DLC1: variants seen among roughly 807,000 people sequenced by gnomAD.
DLC1 encodes DLC1 Rho GTPase activating protein.
A neutral mutation model predicts 140.3 loss-of-function variants in DLC1; 54 were observed. That is an observed-to-expected ratio of 0.38 (90% confidence interval 0.31 to 0.48). The LOEUF (loss-of-function observed/expected upper bound fraction) is 0.48, where lower values mean the gene tolerates loss of function less well. DLC1 is among the 20% of genes least tolerant of loss of function. The pLI, the probability that DLC1 is intolerant of heterozygous loss-of-function variation, is 0.96. For synonymous variants in DLC1, 986 were observed against 728.1 expected (o/e 1.35, Z -5.70); for missense variants, 2,536 against 1,907.0 (o/e 1.33, Z -6.14).
chr8:13,209,077 G>T (rs1252878993), intron 5 of DLC1, among the ~76,000 whole-genome samples: 1 of 152,060 alleles, frequency 6.6e-6, no homozygotes, highest in Non-Finnish European at 1.5e-5. Flanking sequence ...TCTTTCTAAA[G>T]CCCGTAGATG....
At position 13,147,920 on chromosome 8, in the gene DLC1, G is replaced by A. The variant is rs545775169; in HGVS notation, c.1349-32263C>T. On this transcript the variant is annotated intron_variant, in intron 5 of 17. Transcript: ENST00000276297. The stretch of plus-strand genomic sequence containing the variant: ...GGAGAATGGCTTGAACCCGGGAGGC[G>A]GAGGTTGCAGTGGCAGAGATCGCAC... Among the ~76,000 whole-genome samples the A allele has an allele frequency of 2.4e-4, 37 of 152,216 alleles. No homozygotes were observed. In the South Asian group the frequency reaches 2.5e-3, roughly 10 times the overall value.
intron 5 of DLC1, among the ~76,000 whole-genome samples, chr8:13,248,947 A>G (rs1829882914): frequency 6.6e-6 from 1 of 152,146 alleles, no homozygotes. Flanking sequence ...GGAACTCCCA[A>G]ACCTCAGAGG....
At chr8:13,399,385 GT>G (rs1837198231) in intron 3 of DLC1, among the ~76,000 whole-genome samples, 1 of 152,124 alleles carries the variant, frequency 6.6e-6, no homozygotes, top group African/African-American at 2.4e-5. Context: ...GTGACCTTTG[GT>G]AAATAACTCA....
intron 2 of DLC1, among the ~76,000 whole-genome samples, chr8:13,461,653 A>G (rs1338431405): frequency 1.3e-5 from 2 of 152,114 alleles, no homozygotes; most frequent in South Asian, 2.1e-4. Flanking sequence ...TTAGTTTCAA[A>G]TTATGCTTGG....
intron 4 of DLC1, among the ~76,000 whole-genome samples, chr8:13,385,047 G>C (rs756856561): frequency 6.6e-6 from 1 of 152,140 alleles, no homozygotes; most frequent in Non-Finnish European, 1.5e-5. Flanking sequence ...AAGAGATAAA[G>C]CTCAGTCAGC....
At chr8:13,577,700 C>A (rs1276181900) in intron 1 of DLC1, among the ~76,000 whole-genome samples, 5 of 152,074 alleles carry the variant, frequency 3.3e-5, no homozygotes, top group Non-Finnish European at 7.4e-5. Flanking sequence ...ATTATGCCCA[C>A]TGTTTTGGGC....
chr8:13,553,628 C>T (rs571480826), intron 1 of DLC1, among the ~76,000 whole-genome samples: 1 of 152,074 alleles, frequency 6.6e-6, no homozygotes, highest in African/African-American at 2.4e-5. Flanking sequence ...GCTTGGATTG[C>T]AGGCATGAGC....
chr8:13,507,484 T>G (rs72603988), intron 1 of DLC1, among the ~76,000 whole-genome samples: 5,241 of 152,320 alleles, frequency 0.034, 323 homozygotes, highest in East Asian at 0.23. Flanking sequence ...AAGACTAGAA[T>G]TAGACTGTGG....
At chr8:13,506,921 T>C (rs570615806) in intron 1 of DLC1, among the ~76,000 whole-genome samples, 88 of 152,212 alleles carry the variant, frequency 5.8e-4, no homozygotes, top group African/African-American at 1.9e-3. Flanking sequence ...CTGGTAATGA[T>C]ATGAAATCTT....
In DLC1 at chr8:13,156,821, C is replaced by T. The variant is rs566438803; in HGVS notation, c.1349-41164G>A. Among the ~76,000 whole-genome samples the T allele has an allele frequency of 1.4e-4, 21 of 152,334 alleles. No homozygotes were observed. In the South Asian group the frequency reaches 1.9e-3, roughly 14 times the overall value. On this transcript the variant is annotated intron_variant, in intron 5 of 17. Transcript: ENST00000276297. ...ACTACTAGATTTATCCAGGGGCAAC[C>T]CTATGCTTTGCCCCTTTGAAAATGG...
rs752412544 is a variant in DLC1, at chr8:13,499,707, G to T, written c.365C>A (p.Thr122Lys). 1 of 1,614,150 alleles carries T rather than the reference G, an allele frequency of 6.2e-7. No individual in the cohort carries two copies. The highest frequency in any genetic ancestry group is 2.2e-5 in the East Asian group (1 of 44,878). The change falls in exon 2 of 18, where the codon ACA (threonine) becomes AAA (lysine). Residue 122 changes from threonine (T) to lysine (K), a missense_variant. Physicochemically the swap from Thr to Lys is moderately conservative, Grantham distance 78. Coordinates refer to ENST00000276297, the MANE Select transcript of DLC1 (RefSeq NM_182643.3). ...DEDNNADLCL[T>K]DDKQVLNTQG... ...GGTATTTAAAACCTGTTTATCATCTGTAAGGCATAAATCAGCATTGTTATC... is the reference window on the plus strand; with the variant it reads ...GGTATTTAAAACCTGTTTATCATCTTTAAGGCATAAATCAGCATTGTTATC...
chr8:13,565,296 CAGAT>C (rs1804387356), intron 1 of DLC1, among the ~76,000 whole-genome samples: 1 of 152,070 alleles, frequency 6.6e-6, no homozygotes, highest in Non-Finnish European at 1.5e-5. Flanking sequence ...TTAGAAGACA[CAGAT>C]AGATTTTATT....
At chr8:13,509,781 T>A (rs920560908) in intron 1 of DLC1, among the ~76,000 whole-genome samples, 3 of 152,032 alleles carry the variant, frequency 2.0e-5, no homozygotes, top group Non-Finnish European at 4.4e-5. Context: ...GTCTCCCATT[T>A]TTGTGAGGAT....
intron 5 of DLC1, among the ~76,000 whole-genome samples, chr8:13,255,188 C>G (rs768006836): frequency 4.3e-4 from 65 of 152,064 alleles, no homozygotes; most frequent in Admixed American, 8.5e-4. Flanking sequence ...CCAGGCTGGT[C>G]TCGAACTCCT....
At chr8:13,597,586 G>C (rs1387698739) in intron 1 of DLC1, among the ~76,000 whole-genome samples, 1 of 152,004 alleles carries the variant, frequency 6.6e-6, no homozygotes, top group Non-Finnish European at 1.5e-5. Context: ...AGATCATAGT[G>C]TGTTTTACAT....
At chr8:13,105,726 C>T (rs1303301681) in intron 7 of DLC1, among the ~76,000 whole-genome samples, 4 of 151,858 alleles carry the variant, frequency 2.6e-5, no homozygotes, top group East Asian at 1.9e-4. Flanking sequence ...TACAGGTGCC[C>T]GCCACCAGGC....
chr8:13,211,324 C>T (rs1307023902), intron 5 of DLC1, among the ~76,000 whole-genome samples: 1 of 152,136 alleles, frequency 6.6e-6, no homozygotes, highest in Non-Finnish European at 1.5e-5. Context: ...GGTAGCCCTG[C>T]TCTGTCTATG....
intron 2 of DLC1, among the ~76,000 whole-genome samples, chr8:13,439,720 T>A (rs990359383): frequency 6.6e-6 from 1 of 152,148 alleles, no homozygotes; most frequent in African/African-American, 2.4e-5. Flanking sequence ...TGGTCGAGAC[T>A]TCCACAGAGA....
intron 5 of DLC1, among the ~76,000 whole-genome samples, chr8:13,301,213 G>T (rs1832178352): frequency 1.3e-5 from 2 of 148,844 alleles, no homozygotes; most frequent in African/African-American, 5.0e-5. Context: ...GAGAATTTCA[G>T]TCTAATAGAC....
Sources: gnomAD v4.1 joint callset for allele counts (sites outside exome capture counted in the v4.1 genomes callset) on GRCh38, gnomAD v4.1.1 for gene constraint, MANE v1.5 for transcripts, NCBI Gene and HGNC (gene_info 2026-07-23, HGNC 2026-07-21) for gene names.